UPF2: variants seen among roughly 807,000 people sequenced by gnomAD.
UPF2 encodes UPF2 regulator of nonsense mediated mRNA decay, also known as regulator of nonsense transcripts 2.
Under a neutral mutation model 141.4 loss-of-function variants are expected in UPF2, and 17 were observed. The ratio of observed to expected loss-of-function variants is 0.12; its 90% CI spans 0.08 to 0.18. The LOEUF (loss-of-function observed/expected upper bound fraction) is 0.18, where lower values mean the gene tolerates loss of function less well. Ranked by LOEUF, UPF2 falls within the 10% of genes least tolerant of loss-of-function variation. The probability of loss-of-function intolerance (pLI) is 1.00; values close to 1 mark genes in which losing one functional copy is unlikely to be tolerated. For missense variants in UPF2, 1,152 were observed against 1,515.9 expected, an observed-to-expected ratio of 0.76 and a Z score of 3.99; for synonymous variants, 540 against 498.0, an observed-to-expected ratio of 1.08 and a Z score of -1.12.
chr10:12,003,926 A>G (rs1286995187), intron 5 of UPF2, among the ~76,000 whole-genome samples: 2 of 147,216 alleles, frequency 1.4e-5, no homozygotes, highest in African/African-American at 5.2e-5. Context: ...TCCGCCTCAA[A>G]AAAAAAAAAA....
chr10:11,952,543 C>A (rs192153611), intron 14 of UPF2, among the ~76,000 whole-genome samples: 39 of 141,376 alleles, frequency 2.8e-4, no homozygotes, highest in Non-Finnish European at 5.1e-4. Context: ...GGCGCCATCT[C>A]AGCTCACTGC....
At position 11,977,285 on chromosome 10, in the gene UPF2, T is replaced by C. The variant is rs1395237987; in HGVS notation, c.1953+1772A>G. ...AGGATGTGAGTGGTGAATGTGTTTC[T>C]GCCTAATAGAAAATTGTTGGCAAAG... On this transcript the variant is annotated intron_variant, in intron 9 of 21. Transcript: ENST00000357604. 6.6e-5 allele frequency among the ~76,000 whole-genome samples: 10 copies of C among 152,216 alleles called. 1 individual carries two copies. The highest frequency in any genetic ancestry group is 2.4e-4 in the African/African-American group (10 of 41,440).
At chr10:12,002,735 G>C (rs1283563228) in intron 5 of UPF2, among the ~76,000 whole-genome samples, 1 of 152,146 alleles carries the variant, frequency 6.6e-6, no homozygotes, top group African/African-American at 2.4e-5. Flanking sequence ...TAAAAAAGAA[G>C]AGAAACCAAA....
chr10:12,032,937 C>T (rs1393479816), intron 2 of UPF2, among the ~76,000 whole-genome samples: 2 of 146,568 alleles, frequency 1.4e-5, no homozygotes, highest in Admixed American at 6.8e-5. Flanking sequence ...GACTGCAGTA[C>T]GTTATGATGG....
Position 11,931,702 on chromosome 10 carries a change from C to T in UPF2, c.3627G>A (p.Arg1209=), listed in dbSNP as rs1832783445. ...WNQQQAEQEE[R]MRMKKLTLDI... is the part of the protein sequence containing the mutation. ...CTAGTGTGAGCTTTTTCATTCTCAT[C>T]CTCTCTTCTTGTTCTGCCTGTTGCT... Residue 1209 remains arginine, a synonymous_variant, in exon 20 of 22, where the codon AGG becomes AGA. Transcript: ENST00000357604. This position sits in a 1 kb window ranked among gnomAD's most constrained non-coding sequence, Gnocchi z 5.9. The T allele has an allele frequency of 6.2e-7, 1 of 1,613,626 alleles. No individual in the cohort carries two copies. Among genetic ancestry groups the T allele is most frequent in the Non-Finnish European group, 8.5e-7 (1 of 1,179,928 alleles).
intron 21 of UPF2, among the ~76,000 whole-genome samples, chr10:11,923,557 T>C (rs1449137739): frequency 1.3e-5 from 2 of 151,914 alleles, no homozygotes; most frequent in Non-Finnish European, 2.9e-5. Flanking sequence ...GGCAGGTGCC[T>C]GTAATCCCAG....
In UPF2 at chr10:11,955,658, T is replaced by C; in HGVS notation, c.2575-151A>G. The C allele has an allele frequency of 7.9e-6, 6 of 761,376 alleles. 1 individual carries two copies. The highest frequency in any genetic ancestry group is 1.2e-5 in the Non-Finnish European group (6 of 497,204). 47.2% of individuals were successfully genotyped at this position (761,376 alleles called of 1,614,324 possible). A position where few individuals can be genotyped will look rare whatever the true frequency, so the allele number is the denominator to read the frequency against. On this transcript the variant is annotated intron_variant, in intron 13 of 21. Transcript: ENST00000357604. ...TCTTTTCTAATAAACTGGTTACTTCTAGGTGTCCTTTTCTCTCTCTAGGAA... is the reference window on the plus strand; with the variant it reads ...TCTTTTCTAATAAACTGGTTACTTCCAGGTGTCCTTTTCTCTCTCTAGGAA...
intron 8 of UPF2, among the ~76,000 whole-genome samples, chr10:11,982,378 A>G (rs1386417420): frequency 6.6e-6 from 1 of 152,132 alleles, no homozygotes; most frequent in Non-Finnish European, 1.5e-5. Context: ...CCATGACCTC[A>G]GGGACTGATC....
intron 18 of UPF2, among the ~76,000 whole-genome samples, chr10:11,938,854 T>TG (rs1832891295): frequency 5.2e-5 from 2 of 38,520 alleles, no homozygotes; most frequent in African/African-American, 9.8e-5. Context: ...TTTTTTTTTG[T>TG]TTTTTTTTTT....
In UPF2 at chr10:11,936,781, C is replaced by CA; in HGVS notation, c.3379-70dup. ...TACGGATATATGTCAATATAAATTG[C>CA]AAACTCATTCAATGCTGTATTTCTT... is the stretch of plus-strand genomic sequence containing the variant. On this transcript the variant is annotated intron_variant, in intron 18 of 21. Transcript: ENST00000357604. The surrounding 1 kb of genome is among the most constrained non-coding windows in gnomAD (Gnocchi z 6.6). The CA allele has an allele frequency of 7.2e-7, 1 of 1,394,082 alleles. No individual in the cohort carries two copies. Among genetic ancestry groups the CA allele is most frequent in the Non-Finnish European group, 9.5e-7 (1 of 1,047,444 alleles). The allele number at this position is 1,394,082 out of a possible 1,614,324, so 86.4% of individuals were successfully genotyped here.
chr10:12,025,821 GTCTC>G (rs2131303018), intron 3 of UPF2, among the ~76,000 whole-genome samples: 2 of 152,310 alleles, frequency 1.3e-5, no homozygotes, highest in East Asian at 3.9e-4. Flanking sequence ...TCGAGACAGG[GTCTC>G]TCTCTGTCGC....
intron 19 of UPF2, among the ~76,000 whole-genome samples, chr10:11,934,272 C>T (rs917699966): frequency 2.6e-5 from 4 of 152,206 alleles, no homozygotes; most frequent in African/African-American, 9.6e-5. Flanking sequence ...CTGAGGACAG[C>T]AGTCTTAGCA....
chr10:11,972,966 T>C (rs1833445803), intron 9 of UPF2, among the ~76,000 whole-genome samples: 1 of 152,238 alleles, frequency 6.6e-6, no homozygotes, highest in Non-Finnish European at 1.5e-5. Context: ...CACACTGTCT[T>C]CCACAATGGT....
chr10:11,987,073 CTGAT>C (rs1212256551), intron 8 of UPF2, among the ~76,000 whole-genome samples: 1 of 152,174 alleles, frequency 6.6e-6, no homozygotes, highest in African/African-American at 2.4e-5. Flanking sequence ...TTCCCTGATA[CTGAT>C]TGACTTTAAA....
intron 8 of UPF2, among the ~76,000 whole-genome samples, chr10:11,983,115 C>CT (rs1054573671): frequency 5.9e-5 from 9 of 152,182 alleles, no homozygotes; most frequent in African/African-American, 2.2e-4. Context: ...TGAATTATCT[C>CT]TGGTAACTCA....
Position 11,936,730 on chromosome 10 carries a change from G to T in UPF2, c.3379-18C>A, listed in dbSNP as rs559494477. ...CTTCGTTGCTAAAAGAAATTAAAAAGGACATAATAAACACTCCAAGATATA... is the reference window on the plus strand; with the variant it reads ...CTTCGTTGCTAAAAGAAATTAAAAATGACATAATAAACACTCCAAGATATA... On this transcript the variant is annotated intron_variant, in intron 18 of 21. Transcript: ENST00000357604. This position sits in a 1 kb window ranked among gnomAD's most constrained non-coding sequence, Gnocchi z 6.6. 6 of 1,595,486 alleles carry T rather than the reference G, an allele frequency of 3.8e-6. No homozygotes were observed. The South Asian group carries it at 6.9e-5, about 18-fold the overall frequency.
At position 11,972,546 on chromosome 10, in the gene UPF2, C is replaced by T. The variant is rs769430432; in HGVS notation, c.1954-5092G>A. 4.6e-5 allele frequency among the ~76,000 whole-genome samples: 7 copies of T among 152,296 alleles called. No homozygotes were observed. The East Asian group carries it at 5.8e-4, about 13-fold the overall frequency. ...ATCCCTCCCCTCTCCCTCCACTCCA[C>T]GACAGGCCCCGGTGCGTGATGTGCC... On this transcript the variant is annotated intron_variant, in intron 9 of 21. Transcript: ENST00000357604.
rs78202271 is a variant in UPF2 at position 12,010,025 on chromosome 10, G to C, written c.1306+3999C>G. On this transcript the variant is annotated intron_variant, in intron 4 of 21. Coordinates refer to ENST00000357604, the MANE Select transcript of UPF2 (RefSeq NM_015542.4). ...AAGGCTGACTGGAAGAATCTTCTAT[G>C]ACTCTACTTTATCAGAAAAAGTCCA... 5.9e-3 allele frequency among the ~76,000 whole-genome samples: 904 copies of C among 152,240 alleles called. 3 individuals are homozygous for C. Among genetic ancestry groups the C allele is most frequent in the Non-Finnish European group, 0.01 (686 of 68,010 alleles).
rs1833218588 is a variant in UPF2, at chr10:11,960,277, G to C, written c.2185-921C>G. Among the ~76,000 whole-genome samples the C allele has an allele frequency of 1.3e-5, 2 of 152,100 alleles. 1 individual carries two copies. Among genetic ancestry groups the C allele is most frequent in the East Asian group, 3.8e-4 (2 of 5,204 alleles). On this transcript the variant is annotated intron_variant, in intron 11 of 21. Coordinates refer to ENST00000357604, the MANE Select transcript of UPF2 (RefSeq NM_015542.4). Reference sequence around the variant, plus strand: ...TTTTAAAAACATCTGCTGGGCGCAGGGGCTCAAGCCTATAATCCTAGCAAC... The same window carrying C: ...TTTTAAAAACATCTGCTGGGCGCAGCGGCTCAAGCCTATAATCCTAGCAAC...
Sources: allele counts gnomAD v4.1 joint callset (sites outside exome capture counted in the v4.1 genomes callset), GRCh38; gene constraint gnomAD v4.1.1; non-coding constraint Gnocchi (gnomAD v3.1); transcripts MANE v1.5; gene names NCBI Gene and HGNC (gene_info 2026-07-23, HGNC 2026-07-21).